The following LIMS1 variants were observed in gnomAD, a reference collection of about 807,000 sequenced individuals.
LIMS1 encodes the protein LIM zinc finger domain containing 1.
In LIMS1, 18 loss-of-function variants were observed where a neutral mutation model predicts 44.1. The observed-to-expected ratio is 0.41, with a 90% confidence interval of 0.28 to 0.61. LIMS1 has a LOEUF of 0.61. Among genes scored for constraint, LIMS1 ranks in the 20% least tolerant of loss-of-function variants. The pLI is 0.32. For missense variants in LIMS1, 201 were observed against 422.0 expected (o/e 0.48, Z 4.59); for synonymous variants, 93 against 149.1 (o/e 0.62, Z 2.74).
At chr2:108,647,909 C>T (rs766048195) in intron 1 of LIMS1, among the ~76,000 whole-genome samples, 7 of 152,146 alleles carry the variant, frequency 4.6e-5, no homozygotes, top group Non-Finnish European at 1.0e-4. Context: ...CAGCACAAGA[C>T]AAGGATGCCC....
rs114079933 is a variant in LIMS1 at position 108,580,969 on chromosome 2, C to T, written c.32+46375C>T. On this transcript the variant is annotated intron_variant, in intron 1 of 9. Transcript: ENST00000544547. ...CATCAGGGCCCTCTCACTCCAGCAT[C>T]GTGGCCTCTGCCAAGGTTGTTACTC... Among the ~76,000 whole-genome samples, 514 of 152,326 alleles carry T rather than the reference C, an allele frequency of 3.4e-3. 2 individuals carry two copies. Among genetic ancestry groups the T allele is most frequent in the African/African-American group, 0.011 (470 of 41,580 alleles).
At chr2:108,547,949 G>A (rs1370238274) in intron 1 of LIMS1, among the ~76,000 whole-genome samples, 1 of 152,186 alleles carries the variant, frequency 6.6e-6, no homozygotes, top group Non-Finnish European at 1.5e-5. Context: ...TTTGTTTTAG[G>A]AGTGTGGGTA....
At chr2:108,549,783 A>G (rs2104585029) in intron 1 of LIMS1, among the ~76,000 whole-genome samples, 1 of 152,354 alleles carries the variant, frequency 6.6e-6, no homozygotes, top group African/African-American at 2.4e-5. Flanking sequence ...CAAGAATAGC[A>G]AAAAGCTAAT....
chr2:108,674,586 T>C (rs1248917873), intron 5 of LIMS1, among the ~76,000 whole-genome samples: 1 of 149,996 alleles, frequency 6.7e-6, no homozygotes, highest in Non-Finnish European at 1.5e-5. Flanking sequence ...CCAGGCGTGG[T>C]GGTGGGTGCC....
intron 2 of LIMS1, among the ~76,000 whole-genome samples, chr2:108,664,357 A>T (rs1278120817): frequency 6.6e-6 from 1 of 152,246 alleles, no homozygotes; most frequent in Non-Finnish European, 1.5e-5. Context: ...GGGAATATTT[A>T]CAGAACTCCA....
intron 1 of LIMS1, among the ~76,000 whole-genome samples, chr2:108,630,484 G>A (rs980806871): frequency 7.5e-5 from 11 of 147,014 alleles, no homozygotes; most frequent in African/African-American, 2.7e-4. Context: ...ATGGTTCAGA[G>A]GGATTCGTTA....
chr2:108,572,534 A>G (rs1303503429), intron 1 of LIMS1, among the ~76,000 whole-genome samples: 1 of 151,636 alleles, frequency 6.6e-6, no homozygotes. Context: ...AGGCAGGAGG[A>G]TTACCCCACC....
At chr2:108,601,246 G>GAT (rs376257114) in intron 1 of LIMS1, among the ~76,000 whole-genome samples, 44 of 151,856 alleles carry the variant, frequency 2.9e-4, no homozygotes, top group African/African-American at 6.0e-4. Flanking sequence ...GAAGGGAAAA[G>GAT]ATATATATAT....
intron 1 of LIMS1, among the ~76,000 whole-genome samples, chr2:108,608,867 A>C (rs929756584): frequency 6.6e-6 from 1 of 152,176 alleles, no homozygotes; most frequent in Admixed American, 6.5e-5. Context: ...AGGGGGATCA[A>C]ATGAAATAGT....
At chr2:108,615,307 A>T (rs1687870108) in intron 1 of LIMS1, among the ~76,000 whole-genome samples, 1 of 152,168 alleles carries the variant, frequency 6.6e-6, no homozygotes, top group African/African-American at 2.4e-5. Flanking sequence ...CTTTATATGT[A>T]GTTTTCCAGA....
intron 1 of LIMS1, among the ~76,000 whole-genome samples, chr2:108,576,518 A>G (rs1405052634): frequency 6.6e-6 from 1 of 152,152 alleles, no homozygotes; most frequent in Admixed American, 6.5e-5. Context: ...CTTCTGCCTC[A>G]GCCTCCCGAG....
intron 1 of LIMS1, among the ~76,000 whole-genome samples, chr2:108,611,010 A>G (rs1011392796): frequency 3.3e-5 from 5 of 152,154 alleles, no homozygotes; most frequent in African/African-American, 1.2e-4. Context: ...AGTCGAGGAT[A>G]CCACATTGTG....
At chr2:108,601,672 A>G (rs181529574) in intron 1 of LIMS1, among the ~76,000 whole-genome samples, 172 of 152,302 alleles carry the variant, frequency 1.1e-3, no homozygotes, top group African/African-American at 4.1e-3. Flanking sequence ...CTCCACACAC[A>G]TGCCTGGCTA....
In LIMS1 at chr2:108,683,869, A is replaced by G. The variant is rs752884460; in HGVS notation, c.900-16A>G. 2.2e-6 allele frequency: 3 copies of G among 1,355,522 alleles called. No homozygotes were observed. 84.0% of individuals were successfully genotyped at this position (1,355,522 alleles called of 1,614,324 possible). On this transcript the variant is annotated splice_polypyrimidine_tract_variant and intron_variant, in intron 9 of 9. Coordinates refer to ENST00000544547, the Ensembl canonical transcript of LIMS1. ...TTTCCACTAACTTCTTTTTTTTTAT[A>G]ATTTTTTGTCTTTAGGAATAAGTTT... is the stretch of plus-strand genomic sequence containing the variant.
intron 1 of LIMS1, among the ~76,000 whole-genome samples, chr2:108,581,181 C>T (rs569553951): frequency 6.6e-6 from 1 of 152,272 alleles, no homozygotes; most frequent in East Asian, 1.9e-4. Flanking sequence ...ACCAGTTAGG[C>T]CTTATATGTT....
intron 1 of LIMS1, among the ~76,000 whole-genome samples, chr2:108,561,550 C>T (rs564939266): frequency 2.0e-5 from 3 of 152,166 alleles, no homozygotes; most frequent in South Asian, 4.2e-4. Context: ...TTTTATTGCA[C>T]TTCACAGATA....
intron 1 of LIMS1, among the ~76,000 whole-genome samples, chr2:108,537,459 A>G (rs1181095865): frequency 2.0e-5 from 3 of 152,348 alleles, no homozygotes; most frequent in East Asian, 3.9e-4. Flanking sequence ...TTGGACCACC[A>G]TGGAAGAAGC....
chr2:108,536,554 G>T (rs533732139), intron 1 of LIMS1, among the ~76,000 whole-genome samples: 10 of 152,302 alleles, frequency 6.6e-5, no homozygotes, highest in African/African-American at 2.2e-4. Context: ...TATTAAGAAA[G>T]CTACTACGAA....
At chr2:108,600,969 T>G (rs528222573) in intron 1 of LIMS1, among the ~76,000 whole-genome samples, 72 of 150,518 alleles carry the variant, frequency 4.8e-4, no homozygotes, top group Non-Finnish European at 8.5e-4. Flanking sequence ...AGTCTTACTC[T>G]GTCACCCAGG....
Sources: allele counts gnomAD v4.1 joint callset (sites outside exome capture counted in the v4.1 genomes callset), GRCh38; gene constraint gnomAD v4.1.1; transcripts MANE v1.5; gene names NCBI Gene and HGNC (gene_info 2026-07-23, HGNC 2026-07-21).